The following RFX6 variants were observed in gnomAD, a reference collection of about 807,000 sequenced individuals.
RFX6 encodes regulatory factor X6.
A neutral mutation model predicts 110.8 loss-of-function variants in RFX6; 50 were observed. The observed-to-expected ratio is 0.45, with a 90% CI of 0.36 to 0.57. The LOEUF is 0.57. RFX6 is among the 20% of genes least tolerant of loss of function. The pLI is 0.00. For synonymous variants in RFX6, 383 were observed against 411.2 expected (o/e 0.93, Z 0.83); for missense variants, 990 against 1,127.0 (o/e 0.88, Z 1.74).
At chr6:116,895,152 C>G in intron 5 of RFX6, 28 bp from the exon 6 acceptor site, 1 of 1,345,650 alleles carries the variant, frequency 7.4e-7, no homozygotes, top group Non-Finnish European at 1.1e-6. Flanking sequence ...TTTGTTTGAA[C>G]TAATGGAAAA....
chr6:116,920,553 G>A, intron 12 of RFX6, 99 bp downstream of exon 12: 1 of 1,018,580 alleles, frequency 9.8e-7, no homozygotes, highest in Non-Finnish European at 1.5e-6. Context: ...CCAGTGTGCT[G>A]TAGGATGTTT....
chr6:116,885,325 AGTGAATAT>A (rs1774677665), intron 4 of RFX6, among the ~76,000 whole-genome samples: 2 of 152,196 alleles, frequency 1.3e-5, no homozygotes, highest in African/African-American at 4.8e-5. Context: ...TGAATATAGT[AGTGAATAT>A]GCTTTCAACC....
intron 4 of RFX6, chr6:116,885,166 C>T (rs997445775): frequency 6.6e-6 from 1 of 152,104 alleles, no homozygotes; most frequent in Non-Finnish European, 1.5e-5. Flanking sequence ...CAACTTTAAA[C>T]ATGAATCTGA....
chr6:116,904,243 A>C lies in RFX6; in HGVS notation c.673-6692A>C, dbSNP rs1775145702. Among the ~76,000 whole-genome samples the C allele has an allele frequency of 4.6e-5, 7 of 151,992 alleles. No homozygotes were observed. The South Asian group carries it at 1.4e-3, about 31-fold the overall frequency. On this transcript the variant is annotated intron_variant, in intron 6 of 18. Coordinates refer to ENST00000332958, the MANE Select transcript of RFX6 (RefSeq NM_173560.4). ...TTTTTATTTTGAAATTTTAATCTTA[A>C]GAGTTCTTTATATGTTCTGGATACT...
At chr6:116,904,159 ATTTTTGGATT>A (rs952805565) in intron 6 of RFX6, among the ~76,000 whole-genome samples, 50 of 151,902 alleles carry the variant, frequency 3.3e-4, no homozygotes, top group Admixed American at 7.9e-4. Flanking sequence ...GCTAGAATAT[ATTTTTGGATT>A]TTTATTGGTC....
chr6:116,928,321 T>C (rs1477309976), intron 17 of RFX6, among the ~76,000 whole-genome samples: 1 of 152,164 alleles, frequency 6.6e-6, no homozygotes, highest in East Asian at 1.9e-4. Context: ...TTGGTGTCTT[T>C]CTCCTAAGTG....
chr6:116,897,597 G>A (rs979248332), intron 6 of RFX6, among the ~76,000 whole-genome samples: 1 of 152,096 alleles, frequency 6.6e-6, no homozygotes. Flanking sequence ...CATCAGACTT[G>A]GTGTTTTATA....
At chr6:116,925,731 C>T in intron 16 of RFX6, 72 bp downstream of exon 16, 1 of 969,336 alleles carries the variant, frequency 1.0e-6, no homozygotes, top group South Asian at 1.4e-5. Flanking sequence ...TCTTAAAACT[C>T]ATAACTTCCA....
intron 6 of RFX6, among the ~76,000 whole-genome samples, chr6:116,909,648 C>T (rs1190094186): frequency 7.0e-6 from 1 of 142,350 alleles, no homozygotes; most frequent in Non-Finnish European, 1.5e-5. Context: ...TAAGAATATA[C>T]TTGAAAAGAG....
chr6:116,916,741 T>C (rs1250241846), intron 9 of RFX6, among the ~76,000 whole-genome samples: 2 of 152,106 alleles, frequency 1.3e-5, no homozygotes, highest in South Asian at 4.1e-4. Context: ...AATGCATTAA[T>C]GTCTAATTCT....
intron 4 of RFX6, among the ~76,000 whole-genome samples, chr6:116,889,163 T>G (rs1280690261): frequency 6.6e-6 from 1 of 152,162 alleles, no homozygotes; most frequent in Non-Finnish European, 1.5e-5. Context: ...TTATATATAT[T>G]GTTTACGTAT....
chr6:116,890,939 T>C (rs1030295561), intron 4 of RFX6, among the ~76,000 whole-genome samples: 2 of 152,126 alleles, frequency 1.3e-5, no homozygotes, highest in African/African-American at 2.4e-5. Context: ...AACAAATAAA[T>C]TGCATAATAA....
intron 2 of RFX6, 95 bp downstream of exon 2, chr6:116,878,047 C>A: frequency 7.6e-7 from 1 of 1,323,630 alleles, no homozygotes; most frequent in Non-Finnish European, 1.1e-6. Context: ...ACTTCTTCCT[C>A]AAACTTTTTG....
intron 6 of RFX6, among the ~76,000 whole-genome samples, chr6:116,900,915 C>T (rs1775057590): frequency 6.6e-6 from 1 of 152,070 alleles, no homozygotes; most frequent in South Asian, 2.1e-4. Context: ...AAATTATATA[C>T]AGTTGGTCCC....
At position 116,891,340 on chromosome 6, in the gene RFX6, G is replaced by C. The variant is rs971450878; in HGVS notation, c.567-2647G>C. Among the ~76,000 whole-genome samples the C allele has an allele frequency of 5.3e-5, 8 of 152,270 alleles. No homozygotes were observed. The South Asian group carries it at 8.3e-4, about 16-fold the overall frequency. ...AGACAGTGTAGTTTGTTCTCAATCTGCATGGCAAACCATTTTACCACGCTG... is the reference window on the plus strand; with the variant it reads ...AGACAGTGTAGTTTGTTCTCAATCTCCATGGCAAACCATTTTACCACGCTG... On this transcript the variant is annotated intron_variant, in intron 4 of 18. Coordinates refer to ENST00000332958, the MANE Select transcript of RFX6 (RefSeq NM_173560.4).
At chr6:116,901,507 C>T (rs556345500) in intron 6 of RFX6, among the ~76,000 whole-genome samples, 1 of 152,214 alleles carries the variant, frequency 6.6e-6, no homozygotes, top group South Asian at 2.1e-4. Context: ...GAAAAGACAA[C>T]CCAACAGAAT....
chr6:116,904,497 A>T (rs12207532), intron 6 of RFX6, among the ~76,000 whole-genome samples: 153 of 152,212 alleles, frequency 1.0e-3, no homozygotes, highest in Non-Finnish European at 2.0e-3. Context: ...GTTTTTGTTC[A>T]TATTTTTATT....
intron 18 of RFX6, among the ~76,000 whole-genome samples, chr6:116,929,406 T>TA (rs974357292): frequency 1.3e-5 from 2 of 151,794 alleles, no homozygotes; most frequent in South Asian, 2.1e-4. Context: ...ACTCCAAGAT[T>TA]AAAAAAAACT....
chr6:116,895,271 A>T (rs554482339), intron 6 of RFX6, 64 bp downstream of exon 6: 2 of 874,058 alleles, frequency 2.3e-6, no homozygotes, highest in Admixed American at 3.8e-5. Context: ...TGAGCAATAC[A>T]TGTTAATTAT....
Sources: allele counts gnomAD v4.1 joint callset (sites outside exome capture counted in the v4.1 genomes callset), GRCh38; gene constraint gnomAD v4.1.1; transcripts MANE v1.5; gene names NCBI Gene and HGNC (gene_info 2026-07-23, HGNC 2026-07-21).